CEP112: variants seen among roughly 807,000 people sequenced by gnomAD.
CEP112 encodes the protein centrosomal protein of 112 kDa.
Under a neutral mutation model 153.0 loss-of-function variants are expected in CEP112, and 127 were observed. The ratio of observed to expected loss-of-function variants is 0.83; its 90% CI spans 0.72 to 0.96. The LOEUF (loss-of-function observed/expected upper bound fraction) is 0.96, where lower values mean the gene tolerates loss of function less well. Among genes scored for constraint, CEP112 ranks in the 40% least tolerant of loss-of-function variants. The probability of loss-of-function intolerance (pLI) is 0.00; values close to 1 mark genes in which losing one functional copy is unlikely to be tolerated. For synonymous variants in CEP112, 358 were observed against 374.4 expected, an observed-to-expected ratio of 0.96 and a Z score of 0.51; for missense variants, 1,089 against 1,101.2, an observed-to-expected ratio of 0.99 and a Z score of 0.16.
chr17:66,059,781 C>T (rs1248118618), intron 11 of CEP112, among the ~76,000 whole-genome samples: 1 of 152,140 alleles, frequency 6.6e-6, no homozygotes, highest in Non-Finnish European at 1.5e-5. Flanking sequence ...TTTGACCCAA[C>T]AATCCCATTA....
chr17:65,757,421 C>T (rs909049698), intron 21 of CEP112, among the ~76,000 whole-genome samples: 5 of 151,990 alleles, frequency 3.3e-5, no homozygotes, highest in Non-Finnish European at 7.4e-5. Flanking sequence ...TGGGAAATTT[C>T]AGAAGTGAAG....
intron 21 of CEP112, among the ~76,000 whole-genome samples, chr17:65,761,630 A>T (rs570291849): frequency 2.6e-5 from 4 of 152,092 alleles, no homozygotes; most frequent in Non-Finnish European, 5.9e-5. Flanking sequence ...TTTTAAATTT[A>T]TATTGAGATT....
chr17:65,878,326 A>G (rs2058918085), intron 20 of CEP112, among the ~76,000 whole-genome samples: 1 of 152,194 alleles, frequency 6.6e-6, no homozygotes, highest in South Asian at 2.1e-4. Context: ...TGCATCTTAA[A>G]CATATAAAGC....
At chr17:65,889,386 T>C (rs1400932287) in intron 20 of CEP112, among the ~76,000 whole-genome samples, 1 of 152,194 alleles carries the variant, frequency 6.6e-6, no homozygotes, top group African/African-American at 2.4e-5. Flanking sequence ...TAAACTAATA[T>C]TGACAGGGTT....
At chr17:65,723,977 G>T (rs1037751352) in intron 23 of CEP112, among the ~76,000 whole-genome samples, 2 of 152,126 alleles carry the variant, frequency 1.3e-5, no homozygotes, top group African/African-American at 4.8e-5. Flanking sequence ...ATTTATTTAG[G>T]TGGTTAGAGG....
intron 21 of CEP112, among the ~76,000 whole-genome samples, chr17:65,774,435 C>T (rs2053561596): frequency 6.6e-6 from 1 of 152,090 alleles, no homozygotes; most frequent in Admixed American, 6.5e-5. Context: ...CACTGTAGAG[C>T]AGAGAGACAC....
At chr17:65,865,865 T>C (rs558408416) in intron 20 of CEP112, among the ~76,000 whole-genome samples, 2 of 152,164 alleles carry the variant, frequency 1.3e-5, no homozygotes, top group South Asian at 4.1e-4. Flanking sequence ...AGCAGCACGG[T>C]TGGGCACAGA....
chr17:66,028,308 C>G lies in CEP112; in HGVS notation c.1596+5G>C. 6.5e-7 allele frequency: 1 copy of G among 1,535,732 alleles called. No homozygotes were observed. The highest frequency in any genetic ancestry group is 8.9e-7 in the Non-Finnish European group (1 of 1,119,246). ...TGTTCTTCTGTGTAGAAATACAAGA[C>G]TCACCCTTAGTTGTTGCTTTCTTTG... is the stretch of plus-strand genomic sequence containing the variant. On this transcript the variant is annotated splice_donor_5th_base_variant and intron_variant, in intron 15 of 26. Transcript: ENST00000535342.
At chr17:65,705,370 C>T (rs574970560) in intron 23 of CEP112, among the ~76,000 whole-genome samples, 7 of 152,236 alleles carry the variant, frequency 4.6e-5, no homozygotes, top group African/African-American at 7.2e-5. Context: ...AGCTTCAGTT[C>T]GTGTTTTGGC....
chr17:65,735,030 C>A (rs1426695638), intron 23 of CEP112, among the ~76,000 whole-genome samples: 2 of 152,178 alleles, frequency 1.3e-5, no homozygotes, highest in African/African-American at 4.8e-5. Flanking sequence ...TGATACACTT[C>A]ATTCTCTTCC....
intron 21 of CEP112, among the ~76,000 whole-genome samples, chr17:65,805,771 G>A (rs2055561635): frequency 6.6e-6 from 1 of 152,036 alleles, no homozygotes; most frequent in Non-Finnish European, 1.5e-5. Flanking sequence ...AAAATAATCT[G>A]AATTAATCCA....
At chr17:66,104,986 G>A (rs993601735) in intron 6 of CEP112, among the ~76,000 whole-genome samples, 1 of 152,108 alleles carries the variant, frequency 6.6e-6, no homozygotes, top group Non-Finnish European at 1.5e-5. Context: ...AGTAAAGTAA[G>A]TATATTACTA....
chr17:65,743,132 T>A lies in CEP112; in HGVS notation c.2543A>T (p.Asp848Val). 4.3e-6 allele frequency: 7 copies of A among 1,613,060 alleles called. No homozygotes were observed. The highest frequency in any genetic ancestry group is 5.9e-6 in the Non-Finnish European group (7 of 1,179,586). Residue 848 changes from aspartate (D) to valine (V), a missense_variant, in exon 23 of 27, where the codon GAT becomes GTT. Transcript: ENST00000535342. ...CTCATCTTCAAACTTTTGTCTAACA[T>A]CCTGGAGCCGCCTTTCTGCAGCAAG... The part of the protein sequence containing the change: ...QQLAAERRLQ[D>V]VRQKFEDEKK...
intron 16 of CEP112, among the ~76,000 whole-genome samples, chr17:66,013,777 G>A (rs1375691635): frequency 2.0e-5 from 3 of 152,010 alleles, no homozygotes; most frequent in Non-Finnish European, 4.4e-5. Flanking sequence ...TGGCAGACCA[G>A]CAACTGCCAG....
intron 21 of CEP112, among the ~76,000 whole-genome samples, chr17:65,763,373 T>A (rs764986461): frequency 6.6e-6 from 1 of 152,080 alleles, no homozygotes; most frequent in Non-Finnish European, 1.5e-5. Flanking sequence ...TTGGGGAAAT[T>A]TTCAGTCTTT....
At chr17:65,906,740 C>G (rs932800752) in intron 19 of CEP112, among the ~76,000 whole-genome samples, 1 of 152,024 alleles carries the variant, frequency 6.6e-6, no homozygotes, top group African/African-American at 2.4e-5. Context: ...ATGCTTTGTT[C>G]TGTGTCTCAC....
At chr17:66,097,829 T>TAATTAG (rs767748034) in intron 6 of CEP112, among the ~76,000 whole-genome samples, 7 of 152,236 alleles carry the variant, frequency 4.6e-5, no homozygotes, top group Admixed American at 2.0e-4. Flanking sequence ...TAAAAATCTC[T>TAATTAG]ACCGTGAAAG....
At chr17:66,086,093 C>T (rs905681345) in intron 8 of CEP112, among the ~76,000 whole-genome samples, 37 of 151,108 alleles carry the variant, frequency 2.4e-4, no homozygotes, top group Middle Eastern at 3.5e-3. Context: ...AAATTTTCAG[C>T]AATAATTATC....
chr17:65,661,989 G>T (rs1054611694), intron 24 of CEP112, among the ~76,000 whole-genome samples: 1 of 151,804 alleles, frequency 6.6e-6, no homozygotes. Context: ...TTTTTTTTGA[G>T]ATAGGGTCTC....
Sources: gnomAD v4.1 joint callset for allele counts (sites outside exome capture counted in the v4.1 genomes callset) on GRCh38, gnomAD v4.1.1 for gene constraint, MANE v1.5 for transcripts, NCBI Gene and HGNC (gene_info 2026-07-23, HGNC 2026-07-21) for gene names.